The following TXNDC16 variants were observed in gnomAD, a reference collection of about 807,000 sequenced individuals.
TXNDC16 encodes the protein thioredoxin domain-containing protein 16.
Under a neutral mutation model 85.6 loss-of-function variants are expected in TXNDC16, and 74 were observed. The observed-to-expected ratio is 0.86, with a 90% CI of 0.72 to 1.05. The LOEUF (loss-of-function observed/expected upper bound fraction) is 1.05, where lower values mean the gene tolerates loss of function less well. Ranked by LOEUF, TXNDC16 falls within the 50% of genes least tolerant of loss-of-function variation. The probability of loss-of-function intolerance (pLI) is 0.00; values close to 1 mark genes in which losing one functional copy is unlikely to be tolerated. For synonymous variants in TXNDC16, 335 were observed against 326.5 expected (o/e 1.03, Z -0.28); for missense variants, 959 against 947.0 (o/e 1.01, Z -0.17).
Position 52,446,597 on chromosome 14 carries a change from T to A in TXNDC16, c.1843-5873A>T, listed in dbSNP as rs537672084. On this transcript the variant is annotated intron_variant, in intron 18 of 20. Coordinates refer to ENST00000281741, the MANE Select transcript of TXNDC16 (RefSeq NM_020784.3). The stretch of plus-strand genomic sequence containing the variant: ...CTACTGAGATACCAGCCAGGACAGC[T>A]AGGGGAGTGCTGATGCCACCTCTCC... Among the ~76,000 whole-genome samples, 4 of 152,236 alleles carry A rather than the reference T, an allele frequency of 2.6e-5. No individual in the cohort carries two copies. The South Asian group carries it at 8.3e-4, about 32-fold the overall frequency.
chr14:52,551,771 G>A (rs2038055391), intron 1 of TXNDC16, among the ~76,000 whole-genome samples: 2 of 145,612 alleles, frequency 1.4e-5, no homozygotes, highest in Non-Finnish European at 1.5e-5. Flanking sequence ...TCAGGCCCAG[G>A]AATAGCGCCA....
Position 52,511,317 on chromosome 14 carries a change from T to C in TXNDC16, c.679A>G (p.Arg227Gly), listed in dbSNP as rs2036949195. ...AATGGCTGTTCCATTAGTGTTCTTC[T>C]ACATTGCTGGGTCAAGTCCAAGACT... ...KLVLDLTQQC[R>G]RTLMEQPLTT... Residue 227 changes from arginine to glycine, a missense_variant, in exon 9 of 21, where the codon AGA becomes GGA. By Grantham distance (125) the Arg-to-Gly change is moderately radical (BLOSUM62 -2). Transcript: ENST00000281741. 2 of 1,609,186 alleles carry C rather than the reference T, an allele frequency of 1.2e-6. No homozygotes were observed. The highest frequency in any genetic ancestry group is 1.1e-5 in the South Asian group (1 of 90,428).
rs1272210833 is a variant in TXNDC16, at chr14:52,519,154, G to A, written c.514+18C>T. ...GTACAGAGGCACAGCAAAGATTAAA[G>A]CAAAAGTTAAAGAATACCTGGTATT... On this transcript the variant is annotated intron_variant, in intron 7 of 20. Transcript: ENST00000281741. 2 of 1,602,188 alleles carry A rather than the reference G, an allele frequency of 1.2e-6. No homozygotes were observed. Among genetic ancestry groups the A allele is most frequent in the Admixed American group, 1.7e-5 (1 of 58,494 alleles).
chr14:52,498,446 C>T (rs929168258), intron 9 of TXNDC16, among the ~76,000 whole-genome samples: 2 of 151,678 alleles, frequency 1.3e-5, no homozygotes, highest in Admixed American at 6.6e-5. Context: ...CACTCACACA[C>T]ACCAGAAAAC....
intron 16 of TXNDC16, among the ~76,000 whole-genome samples, chr14:52,462,162 G>T (rs1448535092): frequency 6.6e-6 from 1 of 152,126 alleles, no homozygotes; most frequent in African/African-American, 2.4e-5. Flanking sequence ...ATTTTCATTT[G>T]CTGGCTTTTA....
In TXNDC16 at chr14:52,514,990, A is replaced by G; in HGVS notation, c.515-20T>C. 6.3e-7 allele frequency: 1 copy of G among 1,585,698 alleles called. No homozygotes were observed. Among genetic ancestry groups the G allele is most frequent in the South Asian group, 1.1e-5 (1 of 87,592 alleles). ...TGTGCTCTGAAGAAGAGATAAAGGG[A>G]GTTGGAAGACAGGAAAAAATAGTTT... On this transcript the variant is annotated intron_variant, in intron 7 of 20. Coordinates refer to ENST00000281741, the MANE Select transcript of TXNDC16 (RefSeq NM_020784.3).
chr14:52,440,828 T>TGTTTG, intron 18 of TXNDC16, 104 bp from the exon 19 acceptor site: 4 of 1,054,616 alleles, frequency 3.8e-6, no homozygotes, highest in Non-Finnish European at 5.4e-6. Flanking sequence ...TTGTAAAATG[T>TGTTTG]AATTCAAACA....
chr14:52,542,477 A>G (rs762459503), intron 3 of TXNDC16, 24 bp from the exon 4 acceptor site: 180 of 1,541,462 alleles, frequency 1.2e-4, no homozygotes, highest in Non-Finnish European at 1.5e-4. Context: ...TGTTTCATGA[A>G]TGTTTATGAA....
intron 20 of TXNDC16, among the ~76,000 whole-genome samples, chr14:52,435,498 T>C (rs541178052): frequency 2.0e-5 from 3 of 152,316 alleles, no homozygotes; most frequent in Non-Finnish European, 4.4e-5. Context: ...CAAAGATGAC[T>C]GATAACTACA....
rs191211655 is a variant in TXNDC16, at chr14:52,538,793, A to C, written c.244-1121T>G. Reference sequence around the variant, plus strand: ...TTAAGAGGGGGTTTTCCTGTTGTTCAATTTAATTTTAATGGGATTTGAGGA... The same window carrying C: ...TTAAGAGGGGGTTTTCCTGTTGTTCCATTTAATTTTAATGGGATTTGAGGA... On this transcript the variant is annotated intron_variant, in intron 4 of 20. Coordinates refer to ENST00000281741, the MANE Select transcript of TXNDC16 (RefSeq NM_020784.3). Among the ~76,000 whole-genome samples the C allele has an allele frequency of 2.4e-4, 37 of 152,228 alleles. No individual in the cohort carries two copies. In the East Asian group the frequency reaches 5.8e-3, roughly 24 times the overall value.
chr14:52,438,701 T>C (rs1053163951), intron 20 of TXNDC16, among the ~76,000 whole-genome samples: 1 of 152,176 alleles, frequency 6.6e-6, no homozygotes, highest in African/African-American at 2.4e-5. Context: ...ATGCCTGTAC[T>C]TAGAACCAGA....
At chr14:52,495,395 A>C (rs2036507606) in intron 9 of TXNDC16, among the ~76,000 whole-genome samples, 1 of 152,204 alleles carries the variant, frequency 6.6e-6, no homozygotes, top group Admixed American at 6.5e-5. Context: ...AGCAAGGCAG[A>C]GGCACATGAC....
intron 4 of TXNDC16, among the ~76,000 whole-genome samples, chr14:52,538,638 G>A (rs1435756280): frequency 6.6e-6 from 1 of 152,088 alleles, no homozygotes; most frequent in Non-Finnish European, 1.5e-5. Flanking sequence ...TAGAGGAAGA[G>A]AGGAAAGAGA....
At chr14:52,539,445 G>A (rs1466166320) in intron 4 of TXNDC16, among the ~76,000 whole-genome samples, 1 of 152,170 alleles carries the variant, frequency 6.6e-6, no homozygotes, top group Admixed American at 6.5e-5. Context: ...TGGAGGGTCA[G>A]AAAATGAGAT....
chr14:52,475,758 G>A (rs1459472797), intron 14 of TXNDC16, among the ~76,000 whole-genome samples: 1 of 152,044 alleles, frequency 6.6e-6, no homozygotes, highest in Non-Finnish European at 1.5e-5. Flanking sequence ...AAGACAAAGG[G>A]CATATACTCT....
intron 5 of TXNDC16, among the ~76,000 whole-genome samples, chr14:52,537,083 CACA>C (rs2140222845): frequency 6.6e-6 from 1 of 151,844 alleles, no homozygotes; most frequent in African/African-American, 2.4e-5. Context: ...CACACACACA[CACA>C]CACACACACA....
Position 52,452,117 on chromosome 14 carries a change from T to A in TXNDC16, c.1842+3207A>T, listed in dbSNP as rs541712550. 1.4e-3 allele frequency among the ~76,000 whole-genome samples: 213 copies of A among 152,162 alleles called. 1 individual carries two copies. The highest frequency in any genetic ancestry group is 5.1e-3 in the African/African-American group (210 of 41,526). On this transcript the variant is annotated intron_variant, in intron 18 of 20. Transcript: ENST00000281741. ...CAAGTAAAATTAAATACCCAGGAATTAACTAAAGAAGTGAAAGATCTCTAC... is the reference window on the plus strand; with the variant it reads ...CAAGTAAAATTAAATACCCAGGAATAAACTAAAGAAGTGAAAGATCTCTAC...
chr14:52,437,519 T>C (rs708540), intron 20 of TXNDC16, among the ~76,000 whole-genome samples: 29,039 of 151,854 alleles, frequency 0.19, 2,896 homozygotes, highest in East Asian at 0.31. Flanking sequence ...AAATACCCCA[T>C]AAGCACAAGC....
At chr14:52,463,447 C>T (rs74050251) in intron 16 of TXNDC16, among the ~76,000 whole-genome samples, 15,309 of 152,160 alleles carry the variant, frequency 0.1, 909 homozygotes, top group East Asian at 0.17. Flanking sequence ...AGAGTTTAAC[C>T]GATCAAAGAA....
Sources: allele counts gnomAD v4.1 joint callset (sites outside exome capture counted in the v4.1 genomes callset), GRCh38; gene constraint gnomAD v4.1.1; transcripts MANE v1.5; gene names NCBI Gene and HGNC (gene_info 2026-07-23, HGNC 2026-07-21).